Variants in RIC1 observed in about 807,000 individuals in gnomAD.
RIC1 encodes the protein guanine nucleotide exchange factor subunit RIC1.
A neutral mutation model predicts 169.0 loss-of-function variants in RIC1; 88 were observed. That is an observed-to-expected ratio of 0.52 (90% confidence interval 0.44 to 0.62). RIC1 has a LOEUF of 0.62. RIC1 is among the 20% of genes least tolerant of loss of function. The pLI is 0.00. For synonymous variants in RIC1, 790 were observed against 601.5 expected (o/e 1.31, Z -4.59); for missense variants, 1,877 against 1,725.5 (o/e 1.09, Z -1.56).
At chr9:5,736,034 A>G (rs969016621) in intron 7 of RIC1, among the ~76,000 whole-genome samples, 4 of 152,238 alleles carry the variant, frequency 2.6e-5, no homozygotes, top group African/African-American at 9.6e-5. Context: ...TAGTTTAAAG[A>G]ATACAAGCAC....
intron 10 of RIC1, among the ~76,000 whole-genome samples, chr9:5,745,177 A>G (rs1825305712): frequency 1.3e-5 from 2 of 152,312 alleles, no homozygotes; most frequent in South Asian, 4.1e-4. Flanking sequence ...GAATCTAAGC[A>G]TTATTAGTTA....
At chr9:5,769,277 C>G (rs1488808064) in intron 22 of RIC1, 21 bp downstream of exon 22, 3 of 1,613,594 alleles carry the variant, frequency 1.9e-6, no homozygotes, top group Middle Eastern at 1.6e-4. Flanking sequence ...CTTCATGTCA[C>G]TTGTACAAGG....
rs539078214 is a variant in RIC1, at chr9:5,662,594, C to A, written c.252+5904C>A. The stretch of plus-strand genomic sequence containing the variant: ...GGGTGTATGTGTCCAGAAAAGTATC[C>A]ATTTCTTCTAGATTTTCTATTTAAT... On this transcript the variant is annotated intron_variant, in intron 2 of 25. Transcript: ENST00000414202. Among the ~76,000 whole-genome samples, 9 of 152,106 alleles carry A rather than the reference C, an allele frequency of 5.9e-5. No homozygotes were observed. In the East Asian group the frequency reaches 1.7e-3, roughly 29 times the overall value.
chr9:5,694,863 A>G (rs1821797737), intron 3 of RIC1, among the ~76,000 whole-genome samples: 1 of 151,796 alleles, frequency 6.6e-6, no homozygotes, highest in African/African-American at 2.4e-5. Context: ...AACTCTTCTG[A>G]AAATTATTTT....
chr9:5,680,866 G>A (rs1338054993), intron 2 of RIC1, among the ~76,000 whole-genome samples: 159 of 108,926 alleles, frequency 1.5e-3, no homozygotes, highest in Non-Finnish European at 2.0e-3. Flanking sequence ...TCGCTCTGTC[G>A]CCCAGGCTGG....
At chr9:5,727,948 G>T (rs930836364) in intron 6 of RIC1, among the ~76,000 whole-genome samples, 1 of 152,184 alleles carries the variant, frequency 6.6e-6, no homozygotes, top group African/African-American at 2.4e-5. Context: ...GTGTCAGTTG[G>T]CCCCTAATGG....
At chr9:5,753,079 A>G (rs1007431595) in intron 12 of RIC1, 121 bp from the exon 13 acceptor site, 2 of 785,342 alleles carry the variant, frequency 2.5e-6, no homozygotes, top group Non-Finnish European at 4.4e-6. Flanking sequence ...GTGCTCTGCT[A>G]CTAACTAGGG....
chr9:5,684,162 C>T (rs181232399), intron 2 of RIC1, among the ~76,000 whole-genome samples: 235 of 151,736 alleles, frequency 1.5e-3, no homozygotes, highest in Middle Eastern at 6.8e-3. Flanking sequence ...CGGCACACCC[C>T]GGTGAGATGA....
chr9:5,739,362 G>C (rs1203382580), intron 8 of RIC1, among the ~76,000 whole-genome samples: 1 of 152,034 alleles, frequency 6.6e-6, no homozygotes, highest in Admixed American at 6.5e-5. Context: ...TACTTAGTGG[G>C]CCCAAATCAA....
intron 1 of RIC1, among the ~76,000 whole-genome samples, chr9:5,647,649 G>A (rs1373947002): frequency 6.6e-6 from 1 of 151,980 alleles, no homozygotes; most frequent in African/African-American, 2.4e-5. Flanking sequence ...TTGTTGTTGT[G>A]GAATCTTTAG....
intron 1 of RIC1, among the ~76,000 whole-genome samples, chr9:5,636,608 C>T (rs993337087): frequency 6.6e-6 from 1 of 152,030 alleles, no homozygotes; most frequent in African/African-American, 2.4e-5. Context: ...TGTGAGCCAC[C>T]ACTCCCAGCC....
Sources: gnomAD v4.1 joint callset for allele counts (sites outside exome capture counted in the v4.1 genomes callset) on GRCh38, gnomAD v4.1.1 for gene constraint, MANE v1.5 for transcripts, NCBI Gene and HGNC (gene_info 2026-07-23, HGNC 2026-07-21) for gene names.